NBPF20: variants seen among roughly 807,000 people sequenced by gnomAD.
The protein encoded by NBPF20 is NBPF member 20, also known as NBPF family member NBPF20.
NBPF20 carries 90 observed loss-of-function variants against 68.1 expected under a neutral mutation model. The observed-to-expected ratio is 1.32, with a 90% CI of 1.11 to 1.58. NBPF20 has a LOEUF of 1.58. Ranked by LOEUF, NBPF20 falls within the 40% of genes most tolerant of loss-of-function variation. The pLI, the probability that NBPF20 is intolerant of heterozygous loss-of-function variation, is 0.00. For synonymous variants in NBPF20, 290 were observed against 228.1 expected (o/e 1.27, Z -2.45); for missense variants, 816 against 601.2 (o/e 1.36, Z -3.74).
In NBPF20 at chr1:145,291,736, A is replaced by C. The variant is rs782420657; in HGVS notation, c.16731T>G (p.Pro5577=). Reference sequence around the variant, plus strand: ...CATCCAGTGAGTCCTGTAAGACTTCAGGCTCTTCCACTTCCATCAGCACGC... The same window carrying C: ...CATCCAGTGAGTCCTGTAAGACTTCCGGCTCTTCCACTTCCATCAGCACGC... The change falls in exon 138 of 138, where the codon CCT becomes CCG. Residue 5577 remains proline, a synonymous_variant. Coordinates refer to ENST00000369373, the Ensembl canonical transcript of NBPF20. 2.5e-6 allele frequency: 4 copies of C among 1,611,988 alleles called. No individual in the cohort carries two copies. In the East Asian group the frequency reaches 8.9e-5, roughly 36 times the overall value.
chr1:145,407,036 TTAAGA>T (rs1662818771), upstream of NBPF20, among the ~76,000 whole-genome samples: 2 of 116,642 alleles, frequency 1.7e-5, no homozygotes, highest in Admixed American at 2.0e-4. Context: ...CTTTCACATC[TTAAGA>T]TAATTTCAAC....
At chr1:145,405,982 G>A (rs1243022433), upstream of NBPF20, among the ~76,000 whole-genome samples, 2 of 149,482 alleles carry the variant, frequency 1.3e-5, no homozygotes, top group East Asian at 2.0e-4. Context: ...GCAGTGACGC[G>A]ATCTAGGCTC....
At position 145,400,404 on chromosome 1, in the gene NBPF20, C is replaced by G. The variant is rs1388357973; in HGVS notation, c.757G>C (p.Val253Leu). ...CAGAGGCTACCTGGAATAATGTGTA[C>G]AGCATCCTCCCATTCAACATGAGAG... Residue 253 changes from valine to leucine, a missense_variant, in exon 6 of 138, where the codon GTA becomes CTA. By Grantham distance (32) the Val-to-Leu change is conservative. Coordinates refer to ENST00000369373, the Ensembl canonical transcript of NBPF20. The G allele has an allele frequency of 6.2e-6, 10 of 1,612,750 alleles. 1 individual carries two copies. In the Admixed American group the frequency reaches 1.2e-4, roughly 19 times the overall value.
At chr1:145,292,620 T>G in intron 136 of NBPF20, 131 bp from the exon 142 acceptor site, 3 of 745,016 alleles carry the variant, frequency 4.0e-6, no homozygotes. Flanking sequence ...AGAGATATAT[T>G]TCAGGAGGCC....
the NBPF20 span, among the ~76,000 whole-genome samples, chr1:145,410,733 T>TGC: frequency 2.6e-4 from 38 of 144,134 alleles, no homozygotes; most frequent in South Asian, 5.5e-3. Flanking sequence ...TGTGTGCCTG[T>TGC]CTGTGTATAT....
rs1661775810 is a variant in NBPF20 at position 145,372,573 on chromosome 1, G to C, written c.4308C>G (p.Pro1436=). The C allele has an allele frequency of 1.8e-5, 6 of 334,092 alleles. 1 individual carries two copies. Among genetic ancestry groups the C allele is most frequent in the East Asian group, 8.5e-5 (1 of 11,768 alleles). The allele number at this position is 334,092 out of a possible 1,614,324, so 20.7% of individuals were successfully genotyped here. A position where few individuals can be genotyped will look rare whatever the true frequency, so the allele number is the denominator to read the frequency against. Residue 1436 remains proline, a synonymous_variant, in exon 36 of 138, where the codon CCC becomes CCG. Coordinates refer to ENST00000369373, the Ensembl canonical transcript of NBPF20. ...CCAATGAGTAAACAGCACTGCTGTA[G>C]GGCTGGCCTAAGTCAGGCAGTTCAA... is the stretch of plus-strand genomic sequence containing the variant.
At chr1:145,294,864 T>A in exon 134 of NBPF20, 1 of 363,824 alleles carries the variant, frequency 2.7e-6, no homozygotes, top group Non-Finnish European at 4.5e-6. Flanking sequence ...AGTCAGGCAG[T>A]TCAAGATAAC....
chr1:145,291,724 C>A (rs782795090), exon 138 of NBPF20: 4 of 1,611,896 alleles, frequency 2.5e-6, no homozygotes, highest in South Asian at 2.2e-5. Context: ...CCAGTGAGTC[C>A]TGTAAGACTT....
intron 83 of NBPF20, 132 bp downstream of exon 88, chr1:145,335,110 C>T: frequency 4.3e-6 from 1 of 234,384 alleles, no homozygotes; most frequent in African/African-American, 3.7e-5. Context: ...GCAATGAAAA[C>T]CAACAGCAAT....
upstream of NBPF20, among the ~76,000 whole-genome samples, chr1:145,409,211 T>C (rs1662915236): frequency 6.6e-6 from 1 of 151,866 alleles, no homozygotes; most frequent in African/African-American, 2.4e-5. Flanking sequence ...TTAAAATCCA[T>C]CTGTAATGTC....
At chr1:145,424,917 G>A in the NBPF20 span, among the ~76,000 whole-genome samples, 1 of 152,166 alleles carries the variant, frequency 6.6e-6, no homozygotes, top group African/African-American at 2.4e-5. Context: ...ACCGCCAGGA[G>A]CAGAATCCCG....
At position 145,393,007 on chromosome 1, in the gene NBPF20, C is replaced by A. The variant is rs1435269359; in HGVS notation, c.1216+67G>T. 42 of 383,000 alleles carry A rather than the reference C, an allele frequency of 1.1e-4. 2 individuals are homozygous for A. The highest frequency in any genetic ancestry group is 9.1e-4 in the South Asian group (42 of 45,956). 23.7% of individuals were successfully genotyped at this position (383,000 alleles called of 1,614,324 possible). On this transcript the variant is annotated intron_variant, in intron 10 of 137. Transcript: ENST00000369373. ...CTCTCAGCTCAGTAAGGGCCACTTGCAGTAGGAATATGACCCTAACCAGAA... is the reference window on the plus strand; with the variant it reads ...CTCTCAGCTCAGTAAGGGCCACTTGAAGTAGGAATATGACCCTAACCAGAA...
At position 145,396,579 on chromosome 1, in the gene NBPF20, A is replaced by G. The variant is rs1662251969; in HGVS notation, c.828-1438T>C. Among the ~76,000 whole-genome samples, 42 of 151,896 alleles carry G rather than the reference A, an allele frequency of 2.8e-4. No homozygotes were observed. In the South Asian group the frequency reaches 8.6e-3, roughly 31 times the overall value. On this transcript the variant is annotated intron_variant, in intron 7 of 137. Transcript: ENST00000369373. ...ATTCACCAAGGTTGAAATGAAGGAAAAAATGCTAAGGGCAGCCAGAGAGAA... is the reference window on the plus strand; with the variant it reads ...ATTCACCAAGGTTGAAATGAAGGAAGAAATGCTAAGGGCAGCCAGAGAGAA...
At chr1:145,403,144 T>A in intron 3 of NBPF20, 72 bp downstream of exon 8, 2 of 1,579,078 alleles carry the variant, frequency 1.3e-6, no homozygotes, top group South Asian at 2.2e-5. Flanking sequence ...CTCTTACGTC[T>A]CCCCACCGAG....
At chr1:145,407,388 A>T (rs1553667851), upstream of NBPF20, among the ~76,000 whole-genome samples, 1 of 145,382 alleles carries the variant, frequency 6.9e-6, no homozygotes, top group Non-Finnish European at 1.5e-5. Flanking sequence ...TAATATATAT[A>T]CACGTGTATA....
chr1:145,306,284 C>CAG, intron 119 of NBPF20, among the ~76,000 whole-genome samples: 1 of 147,116 alleles, frequency 6.8e-6, no homozygotes, highest in African/African-American at 2.6e-5. Context: ...CACACACACA[C>CAG]ACACACACAC....
chr1:145,403,067 T>A, intron 3 of NBPF20, 149 bp downstream of exon 8: 2 of 881,822 alleles, frequency 2.3e-6, no homozygotes, highest in Non-Finnish European at 3.7e-6. Flanking sequence ...TTCTTCTCTG[T>A]TTGATAAATA....
the NBPF20 span, among the ~76,000 whole-genome samples, chr1:145,422,629 G>T: frequency 1.3e-5 from 2 of 152,076 alleles, no homozygotes; most frequent in African/African-American, 4.8e-5. Flanking sequence ...GCCAAACAGT[G>T]CAGAAGGAAA....
At chr1:145,404,795 TAC>T (rs1403617867) in intron 2 of NBPF20, among the ~76,000 whole-genome samples, 3 of 151,448 alleles carry the variant, frequency 2.0e-5, no homozygotes, top group Non-Finnish European at 2.9e-5. Context: ...TCTTATATGG[TAC>T]AGAGAGGATT....
Sources: allele counts gnomAD v4.1 joint callset (sites outside exome capture counted in the v4.1 genomes callset), GRCh38; gene constraint gnomAD v4.1.1; transcripts MANE v1.5; gene names NCBI Gene and HGNC (gene_info 2026-07-23, HGNC 2026-07-21).